The following GNB4 variants were observed in gnomAD, a reference collection of about 807,000 sequenced individuals.
GNB4 encodes guanine nucleotide-binding protein subunit beta-4.
GNB4 carries 28 observed loss-of-function variants against 45.2 expected under a neutral mutation model. That is an observed-to-expected ratio of 0.62 (90% CI 0.46 to 0.85). The LOEUF is 0.85. Among genes scored for constraint, GNB4 ranks in the 40% least tolerant of loss-of-function variants. GNB4 has a pLI of 0.00. For synonymous variants in GNB4, 132 were observed against 143.7 expected, an observed-to-expected ratio of 0.92 and a Z score of 0.58; for missense variants, 321 against 425.4, an observed-to-expected ratio of 0.75 and a Z score of 2.16.
At chr3:179,455,889 T>C (rs1214206804), upstream of GNB4, among the ~76,000 whole-genome samples, 1 of 152,186 alleles carries the variant, frequency 6.6e-6, no homozygotes, top group African/African-American at 2.4e-5. Context: ...CAGCCAGGTG[T>C]GTGGGCAGAA....
chr3:179,526,011 A>T, the GNB4 span, among the ~76,000 whole-genome samples: 2 of 152,188 alleles, frequency 1.3e-5, no homozygotes, highest in Admixed American at 6.5e-5. Context: ...GTGAGCAACA[A>T]GGCTGTTTAT....
At chr3:179,458,815 G>A in the GNB4 span, among the ~76,000 whole-genome samples, 4 of 151,912 alleles carry the variant, frequency 2.6e-5, no homozygotes, top group Non-Finnish European at 4.4e-5. Flanking sequence ...TGAATCTAAG[G>A]ATGCAGAAGA....
chr3:179,442,589 T>C (rs1428299771), intron 1 of GNB4, among the ~76,000 whole-genome samples: 1 of 152,134 alleles, frequency 6.6e-6, no homozygotes, highest in Non-Finnish European at 1.5e-5. Context: ...CGACCACATG[T>C]AGTTATCTCT....
chr3:179,465,086 G>A, the GNB4 span: 3 of 1,453,886 alleles, frequency 2.1e-6, no homozygotes, highest in Non-Finnish European at 2.9e-6. Context: ...AATTCTTGCA[G>A]ATATTGTAAT....
At chr3:179,417,217 G>T (rs1714824187) in intron 4 of GNB4, among the ~76,000 whole-genome samples, 1 of 152,272 alleles carries the variant, frequency 6.6e-6, no homozygotes, top group South Asian at 2.1e-4. Flanking sequence ...AGCTATGTAA[G>T]ATCAATGACA....
chr3:179,519,987 T>C, the GNB4 span, among the ~76,000 whole-genome samples: 1 of 152,206 alleles, frequency 6.6e-6, no homozygotes, highest in Non-Finnish European at 1.5e-5. Context: ...TACAGGTTAG[T>C]TCAGGATCTG....
At chr3:179,494,293 A>G in the GNB4 span, among the ~76,000 whole-genome samples, 36 of 151,958 alleles carry the variant, frequency 2.4e-4, no homozygotes, top group Non-Finnish European at 4.4e-4. Context: ...GAAAGAAAGA[A>G]AGAGAGAGGA....
intron 1 of GNB4, among the ~76,000 whole-genome samples, chr3:179,435,451 A>G (rs1052549507): frequency 1.4e-5 from 2 of 143,308 alleles, no homozygotes; most frequent in Non-Finnish European, 3.0e-5. Flanking sequence ...TGAGATACAC[A>G]CACCATTCCT....
chr3:179,449,663 T>C (rs1429777662), intron 1 of GNB4, among the ~76,000 whole-genome samples: 1 of 152,162 alleles, frequency 6.6e-6, no homozygotes, highest in Non-Finnish European at 1.5e-5. Context: ...GAGATATAAG[T>C]AGAATAACTT....
intron 1 of GNB4, among the ~76,000 whole-genome samples, chr3:179,450,183 A>T (rs1232533911): frequency 6.6e-6 from 1 of 152,246 alleles, no homozygotes; most frequent in East Asian, 1.9e-4. Flanking sequence ...AATGTCTTTA[A>T]GCCACATACT....
Position 179,419,429 on chromosome 3 carries a change from A to AT in GNB4, c.172dup (p.Ile58AsnfsTer27). 6.2e-7 allele frequency: 1 copy of AT among 1,612,100 alleles called. No individual in the cohort carries two copies. The highest frequency in any genetic ancestry group is 8.5e-7 in the Non-Finnish European group (1 of 1,178,160). ...ATCGTATCCCCAATGCATAGCATAG[A>AT]TTTTAGCTAGGTGGCCCCTCAGTGT... On this transcript the variant is annotated frameshift_variant, in exon 4 of 10. Coordinates refer to ENST00000232564, the MANE Select transcript of GNB4 (RefSeq NM_021629.4). LOFTEE classifies it high-confidence loss of function.
intron 1 of GNB4, among the ~76,000 whole-genome samples, chr3:179,447,860 G>A (rs1416523260): frequency 6.6e-6 from 1 of 152,246 alleles, no homozygotes; most frequent in African/African-American, 2.4e-5. Context: ...AGCAACTGGT[G>A]GATGGTGGTA....
At chr3:179,406,871 T>G (rs1368280213) in intron 8 of GNB4, among the ~76,000 whole-genome samples, 2 of 152,144 alleles carry the variant, frequency 1.3e-5, no homozygotes, top group African/African-American at 4.8e-5. Context: ...TGCCTCAGCC[T>G]CCCAAAGTAC....
At chr3:179,527,430 T>C in the GNB4 span, among the ~76,000 whole-genome samples, 1 of 152,170 alleles carries the variant, frequency 6.6e-6, no homozygotes, top group Non-Finnish European at 1.5e-5. Context: ...AGAAATACAG[T>C]TGAGAAAGCT....
the GNB4 span, among the ~76,000 whole-genome samples, chr3:179,478,574 C>T: frequency 2.6e-5 from 4 of 152,022 alleles, no homozygotes; most frequent in Non-Finnish European, 4.4e-5. Context: ...ATTAGGGCCT[C>T]GCTCTGTCAC....
intron 1 of GNB4, among the ~76,000 whole-genome samples, chr3:179,435,666 C>T (rs1207621573): frequency 2.0e-5 from 3 of 152,050 alleles, no homozygotes; most frequent in Non-Finnish European, 2.9e-5. Flanking sequence ...ATTTTGTTAC[C>T]GTAACTTCTT....
At chr3:179,406,686 C>T (rs1380442231) in intron 8 of GNB4, among the ~76,000 whole-genome samples, 1 of 152,130 alleles carries the variant, frequency 6.6e-6, no homozygotes, top group Non-Finnish European at 1.5e-5. Context: ...AATCTCAGCT[C>T]ACTACAACTT....
In GNB4 at chr3:179,420,843, T is replaced by C. The variant is rs757040974; in HGVS notation, c.96+46A>G. 38 of 1,227,544 alleles carry C rather than the reference T, an allele frequency of 3.1e-5. No individual in the cohort carries two copies. The Admixed American group carries it at 6.8e-4, about 22-fold the overall frequency. The allele number at this position is 1,227,544 out of a possible 1,614,324, so 76.0% of individuals were successfully genotyped here. On this transcript the variant is annotated intron_variant, in intron 3 of 9. Coordinates refer to ENST00000232564, the MANE Select transcript of GNB4 (RefSeq NM_021629.4). Reference sequence around the variant, plus strand: ...AATGTCATTTGCCTCTATGTCAAATTATTTTATGAGTTACCAAAATGAAAT... The same window carrying C: ...AATGTCATTTGCCTCTATGTCAAATCATTTTATGAGTTACCAAAATGAAAT...
At chr3:179,502,944 G>A in the GNB4 span, among the ~76,000 whole-genome samples, 9 of 152,200 alleles carry the variant, frequency 5.9e-5, no homozygotes, top group African/African-American at 1.7e-4. Context: ...GGTTCAAGCC[G>A]TCCTCCCACT....
Sources: allele counts gnomAD v4.1 joint callset (sites outside exome capture counted in the v4.1 genomes callset), GRCh38; gene constraint gnomAD v4.1.1; transcripts MANE v1.5; gene names NCBI Gene and HGNC (gene_info 2026-07-23, HGNC 2026-07-21).